Variants in DAPK1 observed in about 807,000 individuals in gnomAD.
DAPK1 encodes death-associated protein kinase 1.
Under a neutral mutation model 144.9 loss-of-function variants are expected in DAPK1, and 56 were observed. The ratio of observed to expected loss-of-function variants is 0.39; its 90% CI spans 0.31 to 0.48. DAPK1 has a LOEUF of 0.48. Among genes scored for constraint, DAPK1 ranks in the 20% least tolerant of loss-of-function variants. The pLI, the probability that DAPK1 is intolerant of heterozygous loss-of-function variation, is 0.95. For missense variants in DAPK1, 1,454 were observed against 1,875.4 expected (o/e 0.78, Z 4.15); for synonymous variants, 690 against 749.0 (o/e 0.92, Z 1.29).
intron 3 of DAPK1, among the ~76,000 whole-genome samples, chr9:87,620,479 G>T (rs1007089744): frequency 6.6e-6 from 1 of 152,006 alleles, no homozygotes; most frequent in Non-Finnish European, 1.5e-5. Context: ...CTGATGGGCT[G>T]GTGGTCCTCT....
chr9:87,702,093 C>A (rs370695678), intron 24 of DAPK1, among the ~76,000 whole-genome samples: 1 of 152,098 alleles, frequency 6.6e-6, no homozygotes, highest in Non-Finnish European at 1.5e-5. Flanking sequence ...TTCTCAGACA[C>A]CCCCCGCCCA....
At chr9:87,662,319 C>T (rs1254744959) in intron 18 of DAPK1, among the ~76,000 whole-genome samples, 1 of 152,054 alleles carries the variant, frequency 6.6e-6, no homozygotes, top group African/African-American at 2.4e-5. Context: ...TTTGTGGTTT[C>T]ATATGAACTT....
intron 2 of DAPK1, among the ~76,000 whole-genome samples, chr9:87,601,503 C>A (rs1828514621): frequency 6.8e-6 from 1 of 147,954 alleles, no homozygotes; most frequent in Admixed American, 6.6e-5. Flanking sequence ...ACAGCCCTGT[C>A]ATGGGCTTTT....
At position 87,637,810 on chromosome 9, in the gene DAPK1, C is replaced by T; in HGVS notation, c.285-133C>T. The T allele has an allele frequency of 4.1e-6, 4 of 966,910 alleles. No homozygotes were observed. The East Asian group carries it at 1.0e-4, about 24-fold the overall frequency. 59.9% of individuals were successfully genotyped at this position (966,910 alleles called of 1,614,324 possible). On this transcript the variant is annotated intron_variant, in intron 3 of 25. Coordinates refer to ENST00000408954, the MANE Select transcript of DAPK1 (RefSeq NM_004938.4). The stretch of plus-strand genomic sequence containing the variant: ...ACAACCTGCACAGAGAATTCTGAAT[C>T]CATGCTTGGCGGTTTCAGCATAGTC...
At position 87,610,112 on chromosome 9, in the gene DAPK1, C is replaced by T. The variant is rs535465325; in HGVS notation, c.284+4937C>T. 1.4e-4 allele frequency among the ~76,000 whole-genome samples: 21 copies of T among 152,280 alleles called. 1 individual carries two copies. Among genetic ancestry groups the T allele is most frequent in the Admixed American group, 5.9e-4 (9 of 15,304 alleles). On this transcript the variant is annotated intron_variant, in intron 3 of 25. Coordinates refer to ENST00000408954, the MANE Select transcript of DAPK1 (RefSeq NM_004938.4). ...GTCAAATCCCAGTCCAGGATCTGCC[C>T]TTTACCATTTTTGCAAGCCTGAAAG...
Position 87,539,430 on chromosome 9 carries a change from C to T in DAPK1, c.62+40291C>T, listed in dbSNP as rs868642425. On this transcript the variant is annotated intron_variant, in intron 2 of 25. Coordinates refer to ENST00000408954, the MANE Select transcript of DAPK1 (RefSeq NM_004938.4). ...CAATTTATAAGTTTTAAATTTCTCA[C>T]TTTTTTTTTTTTTTTTTGAGACAGA... Among the ~76,000 whole-genome samples the T allele has an allele frequency of 3.2e-3, 419 of 129,232 alleles. 3 individuals carry two copies. Among genetic ancestry groups the T allele is most frequent in the Middle Eastern group, 8.5e-3 (2 of 236 alleles). 84.8% of individuals were successfully genotyped at this position (129,232 alleles called of 152,430 possible). A position where few individuals can be genotyped will look rare whatever the true frequency, so the allele number is the denominator to read the frequency against.
At chr9:87,499,795 G>A (rs1370948935) in intron 2 of DAPK1, among the ~76,000 whole-genome samples, 1 of 152,190 alleles carries the variant, frequency 6.6e-6, no homozygotes, top group South Asian at 2.1e-4. Context: ...GTGATTCTCA[G>A]TGTAAAATCT....
intron 3 of DAPK1, among the ~76,000 whole-genome samples, chr9:87,622,079 G>C (rs1158675956): frequency 6.7e-6 from 1 of 150,084 alleles, no homozygotes; most frequent in Non-Finnish European, 1.5e-5. Context: ...ATTTCTCTGA[G>C]TTGATGGCCT....
intron 19 of DAPK1, among the ~76,000 whole-genome samples, chr9:87,675,907 A>C (rs1383976287): frequency 1.6e-5 from 2 of 128,678 alleles, no homozygotes; most frequent in Non-Finnish European, 3.4e-5. Flanking sequence ...CCTTATGACC[A>C]CCTGGAAGGT....
intron 9 of DAPK1, 125 bp from the exon 10 acceptor site, chr9:87,641,844 C>T (rs985974773): frequency 1.5e-5 from 11 of 720,414 alleles, no homozygotes; most frequent in Non-Finnish European, 2.5e-5. Flanking sequence ...ATCCCAACTT[C>T]TTATGCTAAT....
intron 23 of DAPK1, 118 bp downstream of exon 23, chr9:87,698,912 T>C (rs551059674): frequency 1.6e-6 from 1 of 629,004 alleles, no homozygotes; most frequent in South Asian, 2.0e-5. Flanking sequence ...TTTAAAGGTC[T>C]TTCTTTCTTG....
At chr9:87,641,005 A>G (rs1026353642) in intron 9 of DAPK1, among the ~76,000 whole-genome samples, 158 bp downstream of exon 9, 1 of 152,152 alleles carries the variant, frequency 6.6e-6, no homozygotes, top group East Asian at 1.9e-4. Context: ...GACAGGTTAG[A>G]CTGTATACTA....
At chr9:87,554,030 G>C (rs1292408426) in intron 2 of DAPK1, 1 of 152,100 alleles carries the variant, frequency 6.6e-6, no homozygotes, top group East Asian at 1.9e-4. Context: ...TTGGAGAGTA[G>C]TTGAGAGCTA....
intron 2 of DAPK1, among the ~76,000 whole-genome samples, chr9:87,599,616 G>A (rs941560475): frequency 2.6e-5 from 4 of 152,168 alleles, no homozygotes; most frequent in African/African-American, 7.2e-5. Flanking sequence ...ATTACATTTA[G>A]TGGAAAGTTT....
At chr9:87,536,887 T>G (rs944756384) in intron 2 of DAPK1, among the ~76,000 whole-genome samples, 2 of 152,204 alleles carry the variant, frequency 1.3e-5, no homozygotes, top group Non-Finnish European at 2.9e-5. Context: ...TTTTATATTT[T>G]TCTAGTGGAG....
At chr9:87,646,933 G>A (rs2119162366) in intron 13 of DAPK1, among the ~76,000 whole-genome samples, 1 of 152,352 alleles carries the variant, frequency 6.6e-6, no homozygotes, top group East Asian at 1.9e-4. Context: ...GCTGTAAGTG[G>A]AGTAGATCTG....
chr9:87,587,508 A>G (rs904671711), intron 2 of DAPK1, among the ~76,000 whole-genome samples: 7 of 152,186 alleles, frequency 4.6e-5, no homozygotes, highest in Non-Finnish European at 2.9e-5. Context: ...GTGGCTCTCC[A>G]AGAGATGGAG....
chr9:87,518,893 C>A (rs552422272), intron 2 of DAPK1, among the ~76,000 whole-genome samples: 34 of 148,282 alleles, frequency 2.3e-4, no homozygotes, highest in African/African-American at 8.1e-4. Flanking sequence ...GAGTCACAGG[C>A]ATCCATCCAG....
At chr9:87,529,911 A>G (rs912520292) in intron 2 of DAPK1, among the ~76,000 whole-genome samples, 2 of 152,160 alleles carry the variant, frequency 1.3e-5, no homozygotes, top group Admixed American at 6.5e-5. Flanking sequence ...GATTCATAAG[A>G]ATGCTTGGTG....
Sources: allele counts gnomAD v4.1 joint callset (sites outside exome capture counted in the v4.1 genomes callset), GRCh38; gene constraint gnomAD v4.1.1; transcripts MANE v1.5; gene names NCBI Gene and HGNC (gene_info 2026-07-23, HGNC 2026-07-21).